AGAP1: variants seen among roughly 807,000 people sequenced by gnomAD.
The protein encoded by AGAP1 is ArfGAP with GTPase domain, ankyrin repeat and PH domain 1.
Under a neutral mutation model 105.3 loss-of-function variants are expected in AGAP1, and 29 were observed. The ratio of observed to expected loss-of-function variants is 0.28; its 90% CI spans 0.21 to 0.38. The LOEUF is 0.38. Ranked by LOEUF, AGAP1 falls within the 10% of genes least tolerant of loss-of-function variation. The probability of loss-of-function intolerance (pLI) is 1.00; values close to 1 mark genes in which losing one functional copy is unlikely to be tolerated. For missense variants in AGAP1, 998 were observed against 1,165.1 expected (o/e 0.86, Z 2.09); for synonymous variants, 509 against 485.9 (o/e 1.05, Z -0.63).
rs1169804949 is a variant in AGAP1, at chr2:236,082,346, T to C, written c.2114+33065T>C. 1.3e-5 allele frequency among the ~76,000 whole-genome samples: 2 copies of C among 152,230 alleles called. No homozygotes were observed. The highest frequency in any genetic ancestry group is 3.9e-4 in the East Asian group (2 of 5,194). ...AATTTCCTCTGCCAGCTAATTTAAT[T>C]AATCACCCCCAGCTCAGCTCTTCCA... is the stretch of plus-strand genomic sequence containing the variant. On this transcript the variant is annotated intron_variant, in intron 16 of 17. Transcript: ENST00000304032. The surrounding 1 kb of genome is among the most constrained non-coding windows in gnomAD (Gnocchi z 4.2).
intron 16 of AGAP1, among the ~76,000 whole-genome samples, chr2:236,099,255 A>G (rs1248966431): frequency 6.6e-6 from 1 of 151,996 alleles, no homozygotes; most frequent in Non-Finnish European, 1.5e-5. Context: ...GATTGAGACT[A>G]TCCTGACTAA....
At chr2:235,704,475 G>A (rs564114849) in intron 1 of AGAP1, among the ~76,000 whole-genome samples, 6 of 152,210 alleles carry the variant, frequency 3.9e-5, no homozygotes, top group Non-Finnish European at 8.8e-5. Context: ...GTGAAACCCC[G>A]TCTCTACTAA....
chr2:235,951,399 A>G lies in AGAP1; in HGVS notation c.1484-17063A>G, dbSNP rs1296168877. Among the ~76,000 whole-genome samples, 1 of 152,222 alleles carries G rather than the reference A, an allele frequency of 6.6e-6. No individual in the cohort carries two copies. Among genetic ancestry groups the G allele is most frequent in the Non-Finnish European group, 1.5e-5 (1 of 68,038 alleles). On this transcript the variant is annotated intron_variant, in intron 12 of 17. Transcript: ENST00000304032. This position sits in a 1 kb window ranked among gnomAD's most constrained non-coding sequence, Gnocchi z 4.2. ...GGACAATGCTGTCAGTCATCGTGAG[A>G]CAGAGTAGCATGGAACTGAAAAATG...
At position 235,967,586 on chromosome 2, in the gene AGAP1, G is replaced by A. The variant is rs1175371014; in HGVS notation, c.1484-876G>A. On this transcript the variant is annotated intron_variant, in intron 12 of 17. Transcript: ENST00000304032. The surrounding 1 kb of genome is among the most constrained non-coding windows in gnomAD (Gnocchi z 4.7). ...AAAATACCAGCTGAATGAGTGCGGT[G>A]TGCTGTACAGAACTCTGACTTTGGA... Among the ~76,000 whole-genome samples, 2 of 152,228 alleles carry A rather than the reference G, an allele frequency of 1.3e-5. No homozygotes were observed. Among genetic ancestry groups the A allele is most frequent in the East Asian group, 1.9e-4 (1 of 5,192 alleles).
intron 1 of AGAP1, among the ~76,000 whole-genome samples, chr2:235,697,878 G>A (rs1575158410): frequency 2.0e-5 from 3 of 152,288 alleles, no homozygotes; most frequent in East Asian, 3.9e-4. Flanking sequence ...ATTTTAACCA[G>A]GGAAAATGTT....
rs748670548 is a variant in AGAP1 at position 235,741,098 on chromosome 2, A to G, written c.396+50A>G. The G allele has an allele frequency of 3.4e-6, 5 of 1,454,264 alleles. No homozygotes were observed. In the East Asian group the frequency reaches 1.2e-4, roughly 35 times the overall value. 90.1% of individuals were successfully genotyped at this position (1,454,264 alleles called of 1,614,324 possible). ...CCTGCTTTTTTTCCCTTTGTTTTCTAAGGTTTGATTCAAGAAGTGCTTCTA... is the reference window on the plus strand; with the variant it reads ...CCTGCTTTTTTTCCCTTTGTTTTCTGAGGTTTGATTCAAGAAGTGCTTCTA... On this transcript the variant is annotated intron_variant, in intron 4 of 17. Transcript: ENST00000304032. The surrounding 1 kb of genome is among the most constrained non-coding windows in gnomAD (Gnocchi z 4.9).
At chr2:235,571,932 TTG>T (rs141898525) in intron 1 of AGAP1, among the ~76,000 whole-genome samples, 5,472 of 103,554 alleles carry the variant, frequency 0.053, 496 homozygotes, top group African/African-American at 0.21. Flanking sequence ...TGCCCACACT[TTG>T]TGTGTGTGTG....
At chr2:236,016,381 C>CTTTTTTTT (rs151088125) in intron 13 of AGAP1, among the ~76,000 whole-genome samples, 16 of 114,662 alleles carry the variant, frequency 1.4e-4, no homozygotes, top group Non-Finnish European at 2.0e-4. Flanking sequence ...GTTGGGTTTG[C>CTTTTTTTT]TTTTTTTTTT....
intron 8 of AGAP1, among the ~76,000 whole-genome samples, 177 bp from the exon 9 acceptor site, chr2:235,807,062 T>C (rs1957872857): frequency 6.6e-6 from 1 of 152,210 alleles, no homozygotes; most frequent in Non-Finnish European, 1.5e-5. Flanking sequence ...TCTTTAAAAA[T>C]GATGAGTCAG....
chr2:235,949,676 A>C (rs1396146289), intron 12 of AGAP1, among the ~76,000 whole-genome samples: 8 of 152,170 alleles, frequency 5.3e-5, no homozygotes, highest in Admixed American at 3.3e-4. Context: ...TGCTAATATC[A>C]GTTAAAATCT....
chr2:235,718,355 C>T (rs1951222412), intron 3 of AGAP1: 1 of 985,032 alleles, frequency 1.0e-6, no homozygotes, highest in Admixed American at 6.2e-5. Flanking sequence ...CCTTCTTTTT[C>T]TTACTGGCTG....
rs1200022876 is a variant in AGAP1, at chr2:235,967,978, A to G, written c.1484-484A>G. On this transcript the variant is annotated intron_variant, in intron 12 of 17. Coordinates refer to ENST00000304032, the MANE Select transcript of AGAP1 (RefSeq NM_001037131.3). This position sits in a 1 kb window ranked among gnomAD's most constrained non-coding sequence, Gnocchi z 4.7. Reference sequence around the variant, plus strand: ...TGATAATAAAACAAGATGAAGTTATAGTCATCTGTAATATTGAGGCCGGAA... The same window carrying G: ...TGATAATAAAACAAGATGAAGTTATGGTCATCTGTAATATTGAGGCCGGAA... 6.6e-6 allele frequency among the ~76,000 whole-genome samples: 1 copy of G among 152,222 alleles called. No homozygotes were observed. The highest frequency in any genetic ancestry group is 1.5e-5 in the Non-Finnish European group (1 of 68,042).
At chr2:235,794,281 C>T (rs1376616623) in intron 6 of AGAP1, among the ~76,000 whole-genome samples, 1 of 152,148 alleles carries the variant, frequency 6.6e-6, no homozygotes, top group Non-Finnish European at 1.5e-5. Context: ...TAAAAGAACA[C>T]TGAGCATTAC....
chr2:236,116,977 A>G (rs1483147330), intron 16 of AGAP1, among the ~76,000 whole-genome samples: 2 of 152,342 alleles, frequency 1.3e-5, no homozygotes, highest in South Asian at 2.1e-4. Flanking sequence ...ATGTATATAC[A>G]CCACAGTTTC....
chr2:235,592,944 A>G (rs1945400361), intron 1 of AGAP1, among the ~76,000 whole-genome samples: 1 of 152,118 alleles, frequency 6.6e-6, no homozygotes, highest in Non-Finnish European at 1.5e-5. Flanking sequence ...AGGCTGTCTG[A>G]CAGCTTCAGT....
At chr2:236,116,724 T>C (rs781757662) in intron 16 of AGAP1, among the ~76,000 whole-genome samples, 1 of 152,032 alleles carries the variant, frequency 6.6e-6, no homozygotes, top group Non-Finnish European at 1.5e-5. Context: ...TGCACCCTAT[T>C]TGTAGTCTTT....
chr2:235,866,414 G>A lies in AGAP1; in HGVS notation c.1051-16931G>A, dbSNP rs13430543. Among the ~76,000 whole-genome samples, 1,605 of 152,186 alleles carry A rather than the reference G, an allele frequency of 0.011. 27 individuals carry two copies. Among genetic ancestry groups the A allele is most frequent in the African/African-American group, 0.037 (1,549 of 41,494 alleles). ...TACTCGGGGGAGTGTGTCCAGTACGGAATGGGAATTGAGACTCCAGCAAGT... is the reference window on the plus strand; with the variant it reads ...TACTCGGGGGAGTGTGTCCAGTACGAAATGGGAATTGAGACTCCAGCAAGT... On this transcript the variant is annotated intron_variant, in intron 9 of 17. Transcript: ENST00000304032. The surrounding 1 kb of genome is among the most constrained non-coding windows in gnomAD (Gnocchi z 6.1).
chr2:235,638,922 G>A (rs1947100512), intron 1 of AGAP1, among the ~76,000 whole-genome samples: 1 of 152,170 alleles, frequency 6.6e-6, no homozygotes, highest in African/African-American at 2.4e-5. Flanking sequence ...CCTACTAGAT[G>A]CCAGTAACAT....
At chr2:235,928,016 C>G (rs545164431) in intron 11 of AGAP1, among the ~76,000 whole-genome samples, 7 of 152,330 alleles carry the variant, frequency 4.6e-5, no homozygotes, top group African/African-American at 1.7e-4. Flanking sequence ...ATCATCTTAC[C>G]TACACAGCAG....
Sources: gnomAD v4.1 joint callset for allele counts (sites outside exome capture counted in the v4.1 genomes callset) on GRCh38, gnomAD v4.1.1 for gene constraint, Gnocchi (gnomAD v3.1) non-coding constraint, MANE v1.5 for transcripts, NCBI Gene and HGNC (gene_info 2026-07-23, HGNC 2026-07-21) for gene names.